The following TRIM2 variants were observed in gnomAD, a reference collection of about 807,000 sequenced individuals.
TRIM2 encodes tripartite motif containing 2, also known as tripartite motif-containing protein 2.
A neutral mutation model predicts 75.2 loss-of-function variants in TRIM2; 20 were observed. The ratio of observed to expected loss-of-function variants is 0.27; its 90% CI spans 0.19 to 0.39. The LOEUF (loss-of-function observed/expected upper bound fraction) is 0.39, where lower values mean the gene tolerates loss of function less well. Ranked by LOEUF, TRIM2 falls within the 10% of genes least tolerant of loss-of-function variation. The pLI is 1.00. For missense variants in TRIM2, 660 were observed against 990.8 expected, an observed-to-expected ratio of 0.67 and a Z score of 4.48; for synonymous variants, 373 against 388.3, an observed-to-expected ratio of 0.96 and a Z score of 0.46.
upstream of TRIM2, among the ~76,000 whole-genome samples, chr4:153,202,344 G>A (rs1439808242): frequency 6.6e-6 from 1 of 152,084 alleles, no homozygotes; most frequent in East Asian, 1.9e-4. Context: ...TTTATGCAAT[G>A]CCACACAATC....
At chr4:153,173,295 G>A (rs1180672945) in intron 1 of TRIM2, among the ~76,000 whole-genome samples, 1 of 152,172 alleles carries the variant, frequency 6.6e-6, no homozygotes, top group Admixed American at 6.5e-5. Flanking sequence ...GGGGTCTGGA[G>A]GATTGCTTGA....
At chr4:153,322,405 C>T (rs1456519901) in intron 8 of TRIM2, among the ~76,000 whole-genome samples, 4 of 151,854 alleles carry the variant, frequency 2.6e-5, no homozygotes, top group South Asian at 4.1e-4. Context: ...AATGAGACTT[C>T]GTCTCAAAAA....
chr4:153,190,238 T>C (rs1161768115), intron 1 of TRIM2, among the ~76,000 whole-genome samples: 2 of 152,188 alleles, frequency 1.3e-5, no homozygotes, highest in Admixed American at 1.3e-4. Context: ...TCCAAAGACA[T>C]GTAAGAGAAG....
At chr4:153,254,312 C>T (rs1368626568) in intron 1 of TRIM2, among the ~76,000 whole-genome samples, 5 of 152,212 alleles carry the variant, frequency 3.3e-5, no homozygotes, top group Non-Finnish European at 5.9e-5. Context: ...CGTACATCCT[C>T]TTCTTATGCA....
At position 153,248,003 on chromosome 4, in the gene TRIM2, T is replaced by G. The variant is rs979369114; in HGVS notation, c.31-22332T>G. Among the ~76,000 whole-genome samples the G allele has an allele frequency of 5.3e-5, 8 of 151,030 alleles. No homozygotes were observed. The East Asian group carries it at 7.8e-4, about 15-fold the overall frequency. ...CAGGCATTGGATCATGTGTTTTTTTTTTTTTTTTTTGAGATGGAGTCTCGC... is the reference window on the plus strand; with the variant it reads ...CAGGCATTGGATCATGTGTTTTTTTGTTTTTTTTTTGAGATGGAGTCTCGC... On this transcript the variant is annotated intron_variant, in intron 1 of 11. Transcript: ENST00000338700. This position sits in a 1 kb window ranked among gnomAD's most constrained non-coding sequence, Gnocchi z 4.0.
At position 153,193,572 on chromosome 4, in the gene TRIM2, A is replaced by G. The variant is rs567790787; in HGVS notation, c.-49+40302A>G. 3.9e-5 allele frequency among the ~76,000 whole-genome samples: 6 copies of G among 152,332 alleles called. No individual in the cohort carries two copies. The East Asian group carries it at 1.2e-3, about 29-fold the overall frequency. On this transcript the variant is annotated intron_variant, in intron 1 of 11. Transcript: ENST00000437508. ...TATATGCTAAACACTGTTCTAAATG[A>G]TTGACAACTATATCTCATTTAATCC...
At chr4:153,296,102 T>G in intron 6 of TRIM2, 66 bp downstream of exon 6, 1 of 1,489,816 alleles carries the variant, frequency 6.7e-7, no homozygotes, top group South Asian at 1.5e-5. Flanking sequence ...TGGGCACGTG[T>G]CATTGCAAAT....
intron 6 of TRIM2, among the ~76,000 whole-genome samples, chr4:153,298,514 C>T (rs1005430719): frequency 1.3e-5 from 2 of 152,088 alleles, no homozygotes; most frequent in African/African-American, 4.8e-5. Flanking sequence ...TGAATTAGGG[C>T]CCCGCTTTAA....
intron 1 of TRIM2, among the ~76,000 whole-genome samples, chr4:153,223,302 G>C (rs1244849487): frequency 6.6e-6 from 1 of 152,234 alleles, no homozygotes; most frequent in African/African-American, 2.4e-5. Context: ...GCCGTCCTCA[G>C]TCACCCGCGT....
chr4:153,235,252 T>C (rs1437075418), intron 1 of TRIM2, among the ~76,000 whole-genome samples: 1 of 151,948 alleles, frequency 6.6e-6, no homozygotes, highest in African/African-American at 2.4e-5. Context: ...CTCTGTAAAA[T>C]GGGAAAAGCT....
chr4:153,172,858 C>T (rs1045964728), intron 1 of TRIM2, among the ~76,000 whole-genome samples: 26 of 152,102 alleles, frequency 1.7e-4, no homozygotes, highest in African/African-American at 6.0e-4. Context: ...GAGCTCAAGA[C>T]AGAGACAGCA....
chr4:153,224,142 C>T (rs2149775528), intron 1 of TRIM2, among the ~76,000 whole-genome samples: 1 of 152,240 alleles, frequency 6.6e-6, no homozygotes, highest in Non-Finnish European at 1.5e-5. Context: ...TGGTACCTGC[C>T]CTTCAGCTCC....
chr4:153,313,994 CTA>C (rs752366838), intron 6 of TRIM2, among the ~76,000 whole-genome samples: 107 of 152,220 alleles, frequency 7.0e-4, no homozygotes, highest in Non-Finnish European at 1.2e-3. Flanking sequence ...TTCTCTCTCT[CTA>C]TGAAAAATTT....
chr4:153,205,682 T>C (rs1735218258), intron 1 of TRIM2, among the ~76,000 whole-genome samples: 1 of 152,176 alleles, frequency 6.6e-6, no homozygotes, highest in East Asian at 1.9e-4. Context: ...CATGGGACTT[T>C]AATACATTTA....
At position 153,295,714 on chromosome 4, in the gene TRIM2, G is replaced by A; in HGVS notation, c.1188G>A (p.Leu396=). The change falls in exon 6 of 12, where the codon CTG becomes CTA. Residue 396 remains leucine, a synonymous_variant. Transcript: ENST00000338700. This position sits in a 1 kb window ranked among gnomAD's most constrained non-coding sequence, Gnocchi z 7.2. The part of the protein sequence containing the change: ...KTGNAYLTAE[L]STPDGSVADG... Reference sequence around the variant, plus strand: ...GCAACGCCTACCTCACCGCCGAACTGAGCACCCCCGACGGGAGCGTGGCAG... The same window carrying A: ...GCAACGCCTACCTCACCGCCGAACTAAGCACCCCCGACGGGAGCGTGGCAG... The A allele has an allele frequency of 6.2e-7, 1 of 1,613,962 alleles. No individual in the cohort carries two copies. Among genetic ancestry groups the A allele is most frequent in the Non-Finnish European group, 8.5e-7 (1 of 1,179,972 alleles).
At chr4:153,272,427 C>T (rs369299511) in intron 2 of TRIM2, among the ~76,000 whole-genome samples, 2 of 152,016 alleles carry the variant, frequency 1.3e-5, no homozygotes, top group Non-Finnish European at 2.9e-5. Flanking sequence ...GGATTACAGG[C>T]GTGAGCCACT....
At chr4:153,160,599 G>T (rs771568569) in intron 1 of TRIM2, among the ~76,000 whole-genome samples, 1 of 151,970 alleles carries the variant, frequency 6.6e-6, no homozygotes, top group Non-Finnish European at 1.5e-5. Flanking sequence ...ATGTTTGTTT[G>T]TTTGTTTGTT....
At chr4:153,236,972 G>T (rs959445511) in intron 1 of TRIM2, among the ~76,000 whole-genome samples, 2 of 152,166 alleles carry the variant, frequency 1.3e-5, no homozygotes, top group Non-Finnish European at 2.9e-5. Context: ...CATGTAATAT[G>T]CATGAGCCAC....
chr4:153,164,221 C>T (rs1002075781), intron 1 of TRIM2, among the ~76,000 whole-genome samples: 1 of 152,190 alleles, frequency 6.6e-6, no homozygotes, highest in Non-Finnish European at 1.5e-5. Context: ...TCACTGTAAC[C>T]TTTAACTCCT....
Sources: gnomAD v4.1 joint callset for allele counts (sites outside exome capture counted in the v4.1 genomes callset) on GRCh38, gnomAD v4.1.1 for gene constraint, Gnocchi (gnomAD v3.1) non-coding constraint, MANE v1.5 for transcripts, NCBI Gene and HGNC (gene_info 2026-07-23, HGNC 2026-07-21) for gene names.